AK1: variants seen among roughly 807,000 people sequenced by gnomAD.
AK1 encodes the protein adenylate kinase 1, also known as adenylate kinase isoenzyme 1.
A neutral mutation model predicts 23.9 loss-of-function variants in AK1; 13 were observed. The ratio of observed to expected loss-of-function variants is 0.54; its 90% CI spans 0.35 to 0.86. AK1 has a LOEUF of 0.86. AK1 is among the 40% of genes least tolerant of loss of function. The pLI is 0.01. For missense variants in AK1, 214 were observed against 255.1 expected (o/e 0.84, Z 1.10); for synonymous variants, 97 against 102.8 (o/e 0.94, Z 0.34).
At chr9:127,875,529 A>C (rs1314385363) in intron 1 of AK1, among the ~76,000 whole-genome samples, 1 of 148,878 alleles carries the variant, frequency 6.7e-6, no homozygotes, top group African/African-American at 2.5e-5. Context: ...ACCTCCAGCC[A>C]GCGACCCCAC....
intron 5 of AK1, among the ~76,000 whole-genome samples, chr9:127,870,230 C>A (rs1468228383): frequency 1.6e-5 from 2 of 128,906 alleles, no homozygotes; most frequent in Non-Finnish European, 3.2e-5. Context: ...GAGACGGAGT[C>A]TCATTCTGTT....
At chr9:127,869,003 T>C (rs1313226726) in intron 5 of AK1, among the ~76,000 whole-genome samples, 2 of 152,126 alleles carry the variant, frequency 1.3e-5, no homozygotes, top group African/African-American at 4.8e-5. Flanking sequence ...TAAGCAGGTC[T>C]CCCAAGGGCC....
Position 127,867,292 on chromosome 9 carries a change from T to C in AK1, c.*716A>G, listed in dbSNP as rs1445518247. The stretch of plus-strand genomic sequence containing the variant: ...TCCCAAAGTGCTGGGATTACAGGCA[T>C]GAGCCACCTCATTGGGCCTCCCCCA... On this transcript the variant is annotated 3_prime_UTR_variant, in exon 7 of 7. Transcript: ENST00000644144. The C allele has an allele frequency of 6.6e-6, 1 of 152,406 alleles. No homozygotes were observed. The highest frequency in any genetic ancestry group is 1.5e-5 in the Non-Finnish European group (1 of 68,164). 9.4% of individuals were successfully genotyped at this position (152,406 alleles called of 1,614,324 possible).
rs1037407655 is a variant in AK1 at position 127,871,611 on chromosome 9, T to G, written c.324+212A>C. Among the ~76,000 whole-genome samples the G allele has an allele frequency of 2.6e-5, 4 of 151,602 alleles. No individual in the cohort carries two copies. The highest frequency in any genetic ancestry group is 1.3e-4 in the Admixed American group (2 of 15,252). ...GTTGAGCTGGAATCTGAGCCCAGGT[T>G]TGGCAACTGCCCCTCCTGGCGCTTC... On this transcript the variant is annotated intron_variant, in intron 5 of 6. Coordinates refer to ENST00000644144, the MANE Select transcript of AK1 (RefSeq NM_000476.3). This position sits in a 1 kb window ranked among gnomAD's most constrained non-coding sequence, Gnocchi z 4.4.
chr9:127,873,134 A>G (rs1174485350), intron 2 of AK1, 73 bp from the exon 3 acceptor site: 57 of 1,578,878 alleles, frequency 3.6e-5, no homozygotes, highest in Non-Finnish European at 4.7e-5. Flanking sequence ...CTGGAGTCCC[A>G]GGCCTGTGCT....
chr9:127,873,059 T>C lies in AK1; in HGVS notation c.10A>G (p.Lys4Glu), dbSNP rs752425591. 6.2e-7 allele frequency: 1 copy of C among 1,613,884 alleles called. No individual in the cohort carries two copies. The highest frequency in any genetic ancestry group is 1.1e-5 in the South Asian group (1 of 91,058). MEEKLKKTKIIFVV... is the reference protein window; with the variant it reads MEEELKKTKIIFVV... ...AAGATGATCTTGGTTTTCTTCAGCT[T>C]CTCTGCGGGAGAGAAAAGGGGAGCA... Residue 4 changes from lysine to glutamate, a missense_variant and splice_region_variant, in exon 3 of 7, where the codon AAG becomes GAG. Transcript: ENST00000644144.
At chr9:127,870,746 T>C in intron 5 of AK1, among the ~76,000 whole-genome samples, 1 of 151,942 alleles carries the variant, frequency 6.6e-6, no homozygotes, top group Non-Finnish European at 1.5e-5. Context: ...TCAGAAAATA[T>C]GGCCTCCTAT....
intron 1 of AK1, among the ~76,000 whole-genome samples, chr9:127,875,349 C>T (rs1829514061): frequency 6.6e-6 from 1 of 151,198 alleles, no homozygotes. Context: ...AGCCCAATCA[C>T]ACCTGCGACC....
rs1444796363 is a variant in AK1, at chr9:127,866,828, T to A, written c.*1180A>T. 1.3e-5 allele frequency: 2 copies of A among 152,190 alleles called. No individual in the cohort carries two copies. The highest frequency in any genetic ancestry group is 2.9e-5 in the Non-Finnish European group (2 of 68,062). The allele number at this position is 152,190 out of a possible 1,614,324, so 9.4% of individuals were successfully genotyped here. ...TCTCCAGCCCTCATGGCCGTGGCAA[T>A]GGACAGCGTCCACTCCTCACTCAGT... On this transcript the variant is annotated 3_prime_UTR_variant, in exon 7 of 7. Coordinates refer to ENST00000644144, the MANE Select transcript of AK1 (RefSeq NM_000476.3).
At position 127,875,757 on chromosome 9, in the gene AK1, G is replaced by A. The variant is rs141223381; in HGVS notation, c.-32-1108C>T. Among the ~76,000 whole-genome samples, 130 of 151,352 alleles carry A rather than the reference G, an allele frequency of 8.6e-4. 4 individuals carry two copies. The East Asian group carries it at 0.023, about 26-fold the overall frequency. ...GGCCCCTATGGCCAAGCCACAGGCT[G>A]AGTCAGTGTGAAGGCTCCTCTCTCC... On this transcript the variant is annotated intron_variant, in intron 1 of 6. Transcript: ENST00000644144.
At position 127,866,576 on chromosome 9, in the gene AK1, C is replaced by G. The variant is rs1339703891; in HGVS notation, c.*1432G>C. On this transcript the variant is annotated 3_prime_UTR_variant, in exon 7 of 7. Coordinates refer to ENST00000644144, the MANE Select transcript of AK1 (RefSeq NM_000476.3). ...CCCCACTTGCCATGAACAGCCCCAA[C>G]TGTTCGGATTTCATTCGGGCAGGCG... 1 of 152,238 alleles carries G rather than the reference C, an allele frequency of 6.6e-6. No individual in the cohort carries two copies. Among genetic ancestry groups the G allele is most frequent in the Non-Finnish European group, 1.5e-5 (1 of 68,036 alleles). The allele number at this position is 152,238 out of a possible 1,614,324, so 9.4% of individuals were successfully genotyped here.
intron 4 of AK1, 126 bp from the exon 5 acceptor site, chr9:127,872,065 T>G: frequency 1.2e-6 from 1 of 802,792 alleles, no homozygotes; most frequent in East Asian, 2.6e-5. Flanking sequence ...CAAACAAGCC[T>G]CCCCCTCCAG....
In AK1 at chr9:127,873,207, C is replaced by A. The variant is rs1322966801; in HGVS notation, c.8-146G>T. On this transcript the variant is annotated intron_variant, in intron 2 of 6. Coordinates refer to ENST00000644144, the MANE Select transcript of AK1 (RefSeq NM_000476.3). The stretch of plus-strand genomic sequence containing the variant: ...TGTCAGGGAGGCAGACAAGTCACAG[C>A]CCAGAGTCAGCAGGGATGTGAGTGA... 18 of 1,539,148 alleles carry A rather than the reference C, an allele frequency of 1.2e-5. No homozygotes were observed. The Admixed American group carries it at 2.5e-4, about 22-fold the overall frequency.
chr9:127,870,805 CGGGGCATG>C (rs752617830), intron 5 of AK1, among the ~76,000 whole-genome samples: 1 of 133,108 alleles, frequency 7.5e-6, no homozygotes, highest in African/African-American at 2.8e-5. Context: ...CCTACGGAGA[CGGGGCATG>C]GGAATGGGGC....
At chr9:127,878,902 T>C (rs995730154), upstream of AK1, among the ~76,000 whole-genome samples, 30 of 152,056 alleles carry the variant, frequency 2.0e-4, no homozygotes, top group Non-Finnish European at 1.6e-4. Context: ...GGGAAAGCAA[T>C]TGACAAAGTA....
At chr9:127,869,593 C>T (rs1564471578) in intron 5 of AK1, 1 of 152,386 alleles carries the variant, frequency 6.6e-6, no homozygotes, top group Admixed American at 6.5e-5. Context: ...CTGCGATACC[C>T]ATCCTAGCGC....
chr9:127,875,570 C>T (rs896521422), intron 1 of AK1, among the ~76,000 whole-genome samples: 7 of 152,046 alleles, frequency 4.6e-5, no homozygotes, highest in African/African-American at 1.2e-4. Flanking sequence ...AAGGCACCCA[C>T]ACCACCCTCT....
At chr9:127,869,247 G>C (rs149341247) in intron 5 of AK1, among the ~76,000 whole-genome samples, 2 of 152,266 alleles carry the variant, frequency 1.3e-5, no homozygotes, top group Non-Finnish European at 2.9e-5. Flanking sequence ...TGGTTGGGAG[G>C]GCAGAGCCAC....
rs969376879 is a variant in AK1 at position 127,874,787 on chromosome 9, G to A, written c.-32-138C>T. 6 of 843,278 alleles carry A rather than the reference G, an allele frequency of 7.1e-6. No homozygotes were observed. The Admixed American group carries it at 1.2e-4, about 18-fold the overall frequency. 52.2% of individuals were successfully genotyped at this position (843,278 alleles called of 1,614,324 possible). A position where few individuals can be genotyped will look rare whatever the true frequency, so the allele number is the denominator to read the frequency against. ...GGGCAGAGGGGGCTGCTGGGGGCAG[G>A]GAAGGCCCAGGACCCCTTCCCTGAG... On this transcript the variant is annotated intron_variant, in intron 1 of 6. Coordinates refer to ENST00000644144, the MANE Select transcript of AK1 (RefSeq NM_000476.3).
Sources: gnomAD v4.1 joint callset for allele counts (sites outside exome capture counted in the v4.1 genomes callset) on GRCh38, gnomAD v4.1.1 for gene constraint, Gnocchi (gnomAD v3.1) non-coding constraint, MANE v1.5 for transcripts, NCBI Gene and HGNC (gene_info 2026-07-23, HGNC 2026-07-21) for gene names.